VWA8: variants seen among roughly 807,000 people sequenced by gnomAD.
VWA8 encodes the protein von Willebrand factor A domain-containing protein 8.
In VWA8, 221 loss-of-function variants were observed where a neutral mutation model predicts 241.5. The observed-to-expected ratio is 0.91, with a 90% CI of 0.82 to 1.02. The LOEUF (loss-of-function observed/expected upper bound fraction) is 1.02, where lower values mean the gene tolerates loss of function less well. VWA8 is among the 50% of genes least tolerant of loss of function. VWA8 has a pLI of 0.00. For synonymous variants in VWA8, 852 were observed against 827.1 expected (o/e 1.03, Z -0.52); for missense variants, 2,322 against 2,328.7 (o/e 1.00, Z 0.06).
intron 26 of VWA8, among the ~76,000 whole-genome samples, chr13:41,708,009 G>C (rs1189211681): frequency 2.0e-5 from 3 of 152,078 alleles, no homozygotes; most frequent in Non-Finnish European, 4.4e-5. Flanking sequence ...AGACCTGAGA[G>C]AGAAAAAATT....
At chr13:41,781,045 C>T (rs927709262) in intron 19 of VWA8, among the ~76,000 whole-genome samples, 1 of 152,144 alleles carries the variant, frequency 6.6e-6, no homozygotes, top group East Asian at 1.9e-4. Flanking sequence ...TCTGGACTAC[C>T]GCAATAACCA....
intron 9 of VWA8, among the ~76,000 whole-genome samples, chr13:41,881,705 C>G (rs184319874): frequency 9.2e-6 from 1 of 108,520 alleles, no homozygotes; most frequent in Non-Finnish European, 2.0e-5. Context: ...ACCTCCCGGA[C>G]GGGGCGGCTG....
intron 38 of VWA8, among the ~76,000 whole-genome samples, chr13:41,612,239 A>G (rs2044593915): frequency 6.6e-6 from 1 of 152,210 alleles, no homozygotes; most frequent in Non-Finnish European, 1.5e-5. Flanking sequence ...CTGTTCTGCA[A>G]ATTATAAAAA....
At chr13:41,688,080 ATC>A (rs2045148972) in intron 34 of VWA8, among the ~76,000 whole-genome samples, 1 of 152,116 alleles carries the variant, frequency 6.6e-6, no homozygotes. Flanking sequence ...TATAAAACAC[ATC>A]TCTTTCATAT....
intron 1 of VWA8, among the ~76,000 whole-genome samples, chr13:41,956,043 A>G (rs965481108): frequency 1.3e-5 from 2 of 152,218 alleles, no homozygotes; most frequent in Admixed American, 1.3e-4. Flanking sequence ...AAATTCTGTT[A>G]AGTTTAGTGA....
intron 9 of VWA8, among the ~76,000 whole-genome samples, chr13:41,878,162 T>C (rs1054031828): frequency 6.6e-6 from 1 of 152,064 alleles, no homozygotes; most frequent in African/African-American, 2.4e-5. Flanking sequence ...TTAATGTGTA[T>C]ATATACATAC....
chr13:41,784,680 T>TTTATACA (rs1869058890), intron 18 of VWA8, among the ~76,000 whole-genome samples: 3 of 57,636 alleles, frequency 5.2e-5, no homozygotes, highest in South Asian at 6.0e-4. Flanking sequence ...CTCTCTCTCT[T>TTTATACA]TATACATATA....
intron 2 of VWA8, among the ~76,000 whole-genome samples, chr13:41,942,474 G>A (rs751797991): frequency 1.9e-4 from 29 of 152,146 alleles, no homozygotes; most frequent in Non-Finnish European, 3.1e-4. Flanking sequence ...CTGGTAGAAT[G>A]GCAGGAGGAG....
At chr13:41,949,671 G>A (rs1878033984) in intron 2 of VWA8, among the ~76,000 whole-genome samples, 1 of 151,732 alleles carries the variant, frequency 6.6e-6, no homozygotes, top group African/African-American at 2.4e-5. Flanking sequence ...CTTATTCCAG[G>A]TAAAAAAGAA....
intron 20 of VWA8, among the ~76,000 whole-genome samples, chr13:41,776,006 C>A (rs1593763976): frequency 6.6e-6 from 1 of 152,308 alleles, no homozygotes; most frequent in East Asian, 1.9e-4. Flanking sequence ...AAGAAACCAA[C>A]TGCATCTAAC....
At chr13:41,794,846 C>A (rs955239615) in intron 17 of VWA8, among the ~76,000 whole-genome samples, 1 of 151,982 alleles carries the variant, frequency 6.6e-6, no homozygotes, top group Non-Finnish European at 1.5e-5. Context: ...ACCATAGAAA[C>A]CCTGGAAGAG....
chr13:41,633,977 T>G (rs990093218), intron 37 of VWA8, among the ~76,000 whole-genome samples: 8 of 152,120 alleles, frequency 5.3e-5, no homozygotes, highest in Non-Finnish European at 1.2e-4. Flanking sequence ...CCTATACCCC[T>G]CCCACTTATC....
rs558709929 is a variant in VWA8 at position 41,883,684 on chromosome 13, AC to A, written c.976-194del. On this transcript the variant is annotated intron_variant, in intron 8 of 44. Transcript: ENST00000379310. ...CCTTGCCCTTTCTCTGGGTAAGCTT[AC>A]CCATTCCCATCTTTCATTTATCTTC... 1.5e-4 allele frequency among the ~76,000 whole-genome samples: 23 copies of A among 152,192 alleles called. No individual in the cohort carries two copies. The South Asian group carries it at 4.8e-3, about 32-fold the overall frequency.
rs2045003890 is a variant in VWA8, at chr13:41,668,851, G to C, written c.4611+2095C>G. 2.6e-5 allele frequency among the ~76,000 whole-genome samples: 4 copies of C among 152,130 alleles called. No homozygotes were observed. In the South Asian group the frequency reaches 8.3e-4, roughly 32 times the overall value. On this transcript the variant is annotated intron_variant, in intron 37 of 44. Coordinates refer to ENST00000379310, the MANE Select transcript of VWA8 (RefSeq NM_015058.2). ...AACCAAAATGGATCAAGGGAACTTA[G>C]GGATCAAAGGAGAATGTCAGATAAC...
Position 41,868,410 on chromosome 13 carries a change from A to T in VWA8, c.1148T>A (p.Met383Lys), listed in dbSNP as rs3742262. Reference sequence around the variant, plus strand: ...AGAAGCTTGGGACACATGGTTTTCCATCATCTTCTCTACTTTTACAATCTC... The same window carrying T: ...AGAAGCTTGGGACACATGGTTTTCCTTCATCTTCTCTACTTTTACAATCTC... Reference protein sequence around the residue: ...PKEIVKVEKMMENHVSQASVT... With the variant: ...PKEIVKVEKMKENHVSQASVT... Residue 383 changes from methionine (M) to lysine (K), a missense_variant, in exon 10 of 45, where the codon ATG becomes AAG. Transcript: ENST00000379310. 1.9e-6 allele frequency: 3 copies of T among 1,613,882 alleles called. No homozygotes were observed. Among genetic ancestry groups the T allele is most frequent in the Non-Finnish European group, 2.5e-6 (3 of 1,179,934 alleles).
At chr13:41,870,269 A>G (rs527999944) in intron 9 of VWA8, among the ~76,000 whole-genome samples, 1 of 152,362 alleles carries the variant, frequency 6.6e-6, no homozygotes, top group East Asian at 1.9e-4. Flanking sequence ...ATGAAAAAAA[A>G]AAAGTTCCAC....
At chr13:41,841,349 C>G (rs997398827) in intron 12 of VWA8, among the ~76,000 whole-genome samples, 8 of 152,260 alleles carry the variant, frequency 5.3e-5, no homozygotes, top group Middle Eastern at 3.4e-3. Flanking sequence ...ACTCCCCAAA[C>G]AGACCCCAAA....
At chr13:41,820,758 C>G (rs1295209370) in intron 14 of VWA8, among the ~76,000 whole-genome samples, 1 of 152,100 alleles carries the variant, frequency 6.6e-6, no homozygotes, top group East Asian at 1.9e-4. Context: ...AATTAGATAG[C>G]CACGTGACAG....
At chr13:41,754,403 T>C (rs927897156) in intron 21 of VWA8, among the ~76,000 whole-genome samples, 2 of 152,132 alleles carry the variant, frequency 1.3e-5, no homozygotes, top group African/African-American at 4.8e-5. Context: ...GAACTGTAAG[T>C]CCAATAAACC....
Sources: allele counts gnomAD v4.1 joint callset (sites outside exome capture counted in the v4.1 genomes callset), GRCh38; gene constraint gnomAD v4.1.1; transcripts MANE v1.5; gene names NCBI Gene and HGNC (gene_info 2026-07-23, HGNC 2026-07-21).